DNAH6: variants seen among roughly 807,000 people sequenced by gnomAD.
The protein encoded by DNAH6 is axonemal beta dynein heavy chain 6.
In DNAH6, 340 loss-of-function variants were observed where a neutral mutation model predicts 491.4. That is an observed-to-expected ratio of 0.69 (90% confidence interval 0.63 to 0.76). The LOEUF is 0.76. DNAH6 is among the 30% of genes least tolerant of loss of function. DNAH6 has a pLI of 0.00. For synonymous variants in DNAH6, 1,603 were observed against 1,686.1 expected (o/e 0.95, Z 1.21); for missense variants, 4,443 against 4,972.2 (o/e 0.89, Z 3.20).
chr2:84,779,746 A>C (rs530137933), intron 64 of DNAH6, among the ~76,000 whole-genome samples: 93 of 152,144 alleles, frequency 6.1e-4, no homozygotes, highest in Non-Finnish European at 1.1e-3. Flanking sequence ...CTCTGGACTT[A>C]AGTGTGTCTT....
intron 18 of DNAH6, among the ~76,000 whole-genome samples, chr2:84,601,017 T>C (rs939786259): frequency 2.0e-5 from 3 of 147,358 alleles, no homozygotes; most frequent in African/African-American, 7.4e-5. Context: ...AATAATATTA[T>C]AATAATAATG....
At chr2:84,764,457 C>A (rs1674882240) in intron 64 of DNAH6, among the ~76,000 whole-genome samples, 1 of 152,036 alleles carries the variant, frequency 6.6e-6, no homozygotes, top group Admixed American at 6.6e-5. Flanking sequence ...ATCCAACTGG[C>A]AAAATGGTAG....
intron 45 of DNAH6, among the ~76,000 whole-genome samples, chr2:84,689,672 A>G (rs1437725478): frequency 6.6e-6 from 1 of 152,218 alleles, no homozygotes. Context: ...GGCCCACTCA[A>G]GGTCAAAAGA....
At position 84,584,238 on chromosome 2, in the gene DNAH6, A is replaced by C. The variant is rs1371836651; in HGVS notation, c.2469A>C (p.Lys823Asn). The change falls in exon 15 of 77, where the codon AAA becomes AAC. Residue 823 changes from lysine (K) to asparagine (N), a missense_variant. Around this residue, in one of 3 missense-constraint regions of DNAH6, gnomAD observed 2,977 missense variants for 3,296.6 expected, o/e 0.90. Coordinates refer to ENST00000389394, the MANE Select transcript of DNAH6 (RefSeq NM_001370.2). ...EELNNEVNEVKLQAQDPQILD... is the reference protein window; with the variant it reads ...EELNNEVNEVNLQAQDPQILD... ...TAAACAACGAAGTGAATGAAGTAAAACTGCAAGCACAGGTAAGCTAAATCA... is the reference window on the plus strand; with the variant it reads ...TAAACAACGAAGTGAATGAAGTAAACCTGCAAGCACAGGTAAGCTAAATCA... The C allele has an allele frequency of 1.2e-6, 2 of 1,613,970 alleles. No individual in the cohort carries two copies. Among genetic ancestry groups the C allele is most frequent in the Non-Finnish European group, 1.7e-6 (2 of 1,179,880 alleles).
At chr2:84,677,755 A>G (rs1693389699) in intron 41 of DNAH6, among the ~76,000 whole-genome samples, 1 of 152,362 alleles carries the variant, frequency 6.6e-6, no homozygotes, top group Middle Eastern at 3.4e-3. Context: ...ATGAAGCAGC[A>G]TGACTAAAGC....
At chr2:84,486,153 G>A in the DNAH6 span, among the ~76,000 whole-genome samples, 3 of 152,136 alleles carry the variant, frequency 2.0e-5, no homozygotes, top group Admixed American at 2.0e-4. Context: ...CAGAGCTTCA[G>A]CTCAAACTCC....
intron 18 of DNAH6, among the ~76,000 whole-genome samples, chr2:84,601,149 G>A (rs138103987): frequency 0.014 from 2,105 of 150,890 alleles, 27 homozygotes; most frequent in Non-Finnish European, 0.021. Context: ...TGAGGTGCTG[G>A]GAAGTAAGAA....
chr2:84,737,709 T>A (rs1225237252), intron 62 of DNAH6, among the ~76,000 whole-genome samples: 1 of 151,946 alleles, frequency 6.6e-6, no homozygotes, highest in Non-Finnish European at 1.5e-5. Context: ...TGATTATGGA[T>A]CTTCTGTATT....
the DNAH6 span, among the ~76,000 whole-genome samples, chr2:84,483,491 T>C: frequency 6.6e-6 from 1 of 152,144 alleles, no homozygotes; most frequent in African/African-American, 2.4e-5. Flanking sequence ...AACCTAGAGA[T>C]AGCACAGACT....
the DNAH6 span, among the ~76,000 whole-genome samples, chr2:84,507,948 G>A: frequency 2.0e-5 from 3 of 152,214 alleles, no homozygotes; most frequent in Non-Finnish European, 4.4e-5. Flanking sequence ...GCTTTTTGAT[G>A]TGCTGCTGGA....
chr2:84,598,114 C>CTTTCTATCTTTCT (rs1553437985), intron 18 of DNAH6, among the ~76,000 whole-genome samples: 4 of 150,780 alleles, frequency 2.7e-5, no homozygotes, highest in East Asian at 3.9e-4. Context: ...ACTCGTGGTT[C>CTTTCTATCTTTCT]TTTCTATCTT....
At chr2:84,794,005 C>G (rs1054219098) in intron 68 of DNAH6, among the ~76,000 whole-genome samples, 3 of 152,112 alleles carry the variant, frequency 2.0e-5, no homozygotes, top group African/African-American at 7.2e-5. Context: ...CAGAACAGAG[C>G]CCTCAGAAAT....
chr2:84,818,386 A>T (rs1056068689), intron 76 of DNAH6, among the ~76,000 whole-genome samples: 1 of 148,554 alleles, frequency 6.7e-6, no homozygotes, highest in African/African-American at 2.5e-5. Context: ...CGCTTGGGAG[A>T]CTGAGGCAGG....
the DNAH6 span, among the ~76,000 whole-genome samples, chr2:84,496,284 T>C: frequency 6.6e-6 from 1 of 152,228 alleles, no homozygotes; most frequent in African/African-American, 2.4e-5. Flanking sequence ...AATTTTTTCA[T>C]TGTAAAAGTA....
intron 68 of DNAH6, among the ~76,000 whole-genome samples, chr2:84,792,544 C>A (rs1015956466): frequency 6.6e-6 from 1 of 151,968 alleles, no homozygotes; most frequent in Non-Finnish European, 1.5e-5. Flanking sequence ...ACCAATTATA[C>A]CTCAATAAAG....
chr2:84,607,062 G>T lies in DNAH6; in HGVS notation c.3261G>T (p.Trp1087Cys). 6.4e-7 allele frequency: 1 copy of T among 1,551,304 alleles called. No homozygotes were observed. The highest frequency in any genetic ancestry group is 8.7e-7 in the Non-Finnish European group (1 of 1,146,722). Residue 1087 changes from tryptophan to cysteine, a missense_variant, in exon 21 of 77, where the codon TGG becomes TGT. Transcript: ENST00000389394. ...LGPLKTRVDE[W>C]QKQLALFNQT... ...CACTGAAAACTCGAGTGGATGAATGGCAAAAACAACTTGCTTTATTTAATC... is the reference window on the plus strand; with the variant it reads ...CACTGAAAACTCGAGTGGATGAATGTCAAAAACAACTTGCTTTATTTAATC...
chr2:84,735,684 A>G (rs1699482889), intron 62 of DNAH6, among the ~76,000 whole-genome samples: 1 of 152,132 alleles, frequency 6.6e-6, no homozygotes, highest in South Asian at 2.1e-4. Flanking sequence ...TCTTCTTTAG[A>G]GAAGTGTCTA....
intron 14 of DNAH6, among the ~76,000 whole-genome samples, chr2:84,582,522 G>C (rs2104024015): frequency 6.6e-6 from 1 of 152,318 alleles, no homozygotes; most frequent in Admixed American, 6.5e-5. Flanking sequence ...CGCCATCTCA[G>C]CTCACTGCAA....
chr2:84,460,532 T>A, the DNAH6 span, among the ~76,000 whole-genome samples: 1 of 152,248 alleles, frequency 6.6e-6, no homozygotes, highest in Non-Finnish European at 1.5e-5. Context: ...ACAAAAAATA[T>A]AATTTCAGTA....
Sources: gnomAD v4.1 joint callset for allele counts (sites outside exome capture counted in the v4.1 genomes callset) on GRCh38, gnomAD v4.1.1 for gene constraint, gnomAD v4.1.1 regional missense constraint, MANE v1.5 for transcripts, NCBI Gene and HGNC (gene_info 2026-07-23, HGNC 2026-07-21) for gene names.